The following UPRT variants were observed in gnomAD, a reference collection of about 807,000 sequenced individuals.
UPRT encodes the protein uracil phosphoribosyltransferase homolog.
Under a neutral mutation model 22.6 loss-of-function variants are expected in UPRT, and 5 were observed. The ratio of observed to expected loss-of-function variants is 0.22; its 90% CI spans 0.12 to 0.47. UPRT has a LOEUF of 0.47. UPRT is among the 20% of genes least tolerant of loss of function. The probability of loss-of-function intolerance (pLI) is 0.99; values close to 1 mark genes in which losing one functional copy is unlikely to be tolerated. For synonymous variants in UPRT, 77 were observed against 87.7 expected (o/e 0.88, Z 0.68); for missense variants, 181 against 239.9 (o/e 0.75, Z 1.62).
chrX:75,264,835 T>C (rs1028918163), intron 4 of UPRT, among the ~76,000 whole-genome samples: 1 of 112,183 alleles, frequency 8.9e-6, no homozygotes, highest in Non-Finnish European at 1.9e-5. Context: ...TACCTTTCCA[T>C]GTTGAGTGCT....
At chrX:75,200,641 T>G (rs904461930) in intron 4 of UPRT, among the ~76,000 whole-genome samples, 1 of 109,957 alleles carries the variant, frequency 9.1e-6, no homozygotes, top group African/African-American at 3.3e-5. Context: ...ACATCATTCT[T>G]TTTTTTTTCT....
intron 4 of UPRT, among the ~76,000 whole-genome samples, chrX:75,230,460 G>A (rs767459039): frequency 9.0e-6 from 1 of 111,690 alleles, no homozygotes; most frequent in Non-Finnish European, 1.9e-5. Context: ...TGCAGCTGGT[G>A]CCCTCTTGAA....
intron 4 of UPRT, 164 bp downstream of exon 4, chrX:75,297,717 T>C: frequency 1.7e-6 from 1 of 576,779 alleles, no homozygotes; most frequent in Admixed American, 3.1e-5. Context: ...ATGGCCTGTG[T>C]GAGGCTAGGT....
Position 75,218,760 on chromosome X carries a change from T to A in UPRT, c.-447+50881T>A, listed in dbSNP as rs2082401186. ...GTAGGGACATGGATGAAATTGGAAATCATCATTCTCAGTAAACTATTGCAA... is the reference window on the plus strand; with the variant it reads ...GTAGGGACATGGATGAAATTGGAAAACATCATTCTCAGTAAACTATTGCAA... On this transcript the variant is annotated intron_variant, in intron 4 of 13. Transcript: ENST00000652605. Among the ~76,000 whole-genome samples, 2 of 102,960 alleles carry A rather than the reference T, an allele frequency of 1.9e-5. 1 individual carries two copies. Among genetic ancestry groups the A allele is most frequent in the South Asian group, 9.5e-4 (2 of 2,105 alleles). 89.4% of individuals were successfully genotyped at this position (102,960 alleles called of 115,157 possible).
At chrX:75,187,907 T>C (rs770342590) in intron 4 of UPRT, among the ~76,000 whole-genome samples, 180 of 112,034 alleles carry the variant, frequency 1.6e-3, no homozygotes, top group Non-Finnish European at 3.1e-3. Context: ...TATTGGTTAT[T>C]CTAGTTATAC....
At chrX:75,232,916 A>T (rs1221656299) in intron 4 of UPRT, among the ~76,000 whole-genome samples, 1 of 112,522 alleles carries the variant, frequency 8.9e-6, no homozygotes, top group African/African-American at 3.2e-5. Context: ...CTCACCAGCA[A>T]CAGAACAAAG....
At chrX:75,279,938 T>A (rs930710397) in intron 1 of UPRT, among the ~76,000 whole-genome samples, 1 of 111,526 alleles carries the variant, frequency 9.0e-6, no homozygotes, top group Non-Finnish European at 1.9e-5. Context: ...AGAATAGTAA[T>A]CTCTAATCTC....
chrX:75,298,459 G>T (rs1485686837), intron 4 of UPRT, among the ~76,000 whole-genome samples: 1 of 111,745 alleles, frequency 8.9e-6, no homozygotes, highest in Admixed American at 9.5e-5. Flanking sequence ...AAAATCACTT[G>T]CCTGTGATTA....
chrX:75,220,298 A>G (rs951721562), intron 4 of UPRT, among the ~76,000 whole-genome samples: 2 of 110,636 alleles, frequency 1.8e-5, no homozygotes, highest in African/African-American at 6.6e-5. Flanking sequence ...ATGTGTCTTT[A>G]TAGGTGAAAT....
At chrX:75,188,475 T>G (rs969445052) in intron 4 of UPRT, among the ~76,000 whole-genome samples, 1 of 112,628 alleles carries the variant, frequency 8.9e-6, no homozygotes, top group Non-Finnish European at 1.9e-5. Flanking sequence ...GCTGTCTTTG[T>G]GTTTGTGTGT....
chrX:75,281,626 G>C (rs961930513), intron 1 of UPRT, among the ~76,000 whole-genome samples: 4 of 111,690 alleles, frequency 3.6e-5, no homozygotes, highest in Non-Finnish European at 7.5e-5. Context: ...ACTTGATCAT[G>C]GTGGATTATC....
At chrX:75,258,582 C>G (rs1214136855) in intron 4 of UPRT, among the ~76,000 whole-genome samples, 1 of 111,973 alleles carries the variant, frequency 8.9e-6, no homozygotes, top group African/African-American at 3.2e-5. Flanking sequence ...GATTCCTCCT[C>G]TCTGGGAAGG....
intron 4 of UPRT, among the ~76,000 whole-genome samples, chrX:75,189,023 G>T (rs1229036595): frequency 9.0e-6 from 1 of 111,598 alleles, no homozygotes; most frequent in African/African-American, 3.3e-5. Flanking sequence ...GTTCCTATTC[G>T]GCCATCTTGG....
intron 1 of UPRT, among the ~76,000 whole-genome samples, chrX:75,287,914 C>T (rs778760841): frequency 2.7e-5 from 3 of 110,619 alleles, no homozygotes; most frequent in South Asian, 7.7e-4. Context: ...TAAACAAAAT[C>T]GATAGACCAT....
chrX:75,264,472 G>A (rs1473473194), intron 4 of UPRT, among the ~76,000 whole-genome samples: 2 of 111,293 alleles, frequency 1.8e-5, no homozygotes, highest in Non-Finnish European at 3.8e-5. Context: ...CTTTACCATT[G>A]TGTAATGGCC....
At chrX:75,170,908 C>T (rs1280368390) in intron 4 of UPRT, among the ~76,000 whole-genome samples, 2 of 111,575 alleles carry the variant, frequency 1.8e-5, no homozygotes, top group Non-Finnish European at 3.8e-5. Flanking sequence ...ACCCCAATCC[C>T]TTCTAACTTG....
At chrX:75,212,770 C>T (rs183832611) in intron 4 of UPRT, among the ~76,000 whole-genome samples, 4 of 110,945 alleles carry the variant, frequency 3.6e-5, no homozygotes, top group African/African-American at 6.6e-5. Context: ...AGGGGAACAA[C>T]ACACACTGGG....
intron 4 of UPRT, among the ~76,000 whole-genome samples, chrX:75,222,860 A>C (rs2082414163): frequency 9.1e-6 from 1 of 110,095 alleles, no homozygotes; most frequent in Non-Finnish European, 1.9e-5. Context: ...CTAACCTACA[A>C]GACAAAATCC....
At chrX:75,206,296 G>A (rs2082366671) in intron 4 of UPRT, among the ~76,000 whole-genome samples, 2 of 111,258 alleles carry the variant, frequency 1.8e-5, no homozygotes, top group African/African-American at 6.5e-5. Flanking sequence ...TTTACGGGGT[G>A]CATGTTGGTG....
Sources: gnomAD v4.1 joint callset for allele counts (sites outside exome capture counted in the v4.1 genomes callset) on GRCh38, gnomAD v4.1.1 for gene constraint, MANE v1.5 for transcripts, NCBI Gene and HGNC (gene_info 2026-07-23, HGNC 2026-07-21) for gene names.